Variants in PPM1E observed in about 807,000 individuals in gnomAD.
The protein encoded by PPM1E is protein phosphatase, Mg2+/Mn2+ dependent 1E, also known as protein phosphatase 1E.
A neutral mutation model predicts 65.9 loss-of-function variants in PPM1E; 20 were observed. The observed-to-expected ratio is 0.30, with a 90% CI of 0.21 to 0.44. The LOEUF (loss-of-function observed/expected upper bound fraction) is 0.44, where lower values mean the gene tolerates loss of function less well. PPM1E is among the 20% of genes least tolerant of loss of function. The probability of loss-of-function intolerance (pLI) is 1.00; values close to 1 mark genes in which losing one functional copy is unlikely to be tolerated. For missense variants in PPM1E, 713 were observed against 953.1 expected (o/e 0.75, Z 3.32); for synonymous variants, 352 against 374.9 (o/e 0.94, Z 0.70).
At chr17:58,781,631 G>GT (rs1209268546) in intron 1 of PPM1E, among the ~76,000 whole-genome samples, 1 of 152,050 alleles carries the variant, frequency 6.6e-6, no homozygotes, top group East Asian at 1.9e-4. Flanking sequence ...GCCAGGCACG[G>GT]TGGCTGATGC....
At chr17:58,800,169 T>C (rs1024365725) in intron 1 of PPM1E, among the ~76,000 whole-genome samples, 2 of 152,114 alleles carry the variant, frequency 1.3e-5, no homozygotes, top group Admixed American at 1.3e-4. Context: ...TGCATCTATT[T>C]GGATGACTAT....
chr17:58,766,421 C>T (rs1355812151), intron 1 of PPM1E, among the ~76,000 whole-genome samples: 4 of 149,504 alleles, frequency 2.7e-5, no homozygotes, highest in African/African-American at 9.9e-5. Flanking sequence ...AGGCTGGTCT[C>T]GAACTCCCGA....
intron 1 of PPM1E, among the ~76,000 whole-genome samples, chr17:58,890,914 C>T (rs1004271959): frequency 6.6e-6 from 1 of 152,130 alleles, no homozygotes; most frequent in Non-Finnish European, 1.5e-5. Context: ...TTCTCATTTA[C>T]CTCTGTATTC....
chr17:58,816,741 AATATATATATATATATATATATATAT>A lies in PPM1E; in HGVS notation c.464+60309_464+60334del, dbSNP rs67568496. 1.7e-3 allele frequency among the ~76,000 whole-genome samples: 141 copies of A among 85,262 alleles called. 6 individuals are homozygous for A. Among genetic ancestry groups the A allele is most frequent in the Middle Eastern group, 6.6e-3 (1 of 152 alleles). The allele number at this position is 85,262 out of a possible 152,430, so 55.9% of individuals were successfully genotyped here. A position where few individuals can be genotyped will look rare whatever the true frequency, so the allele number is the denominator to read the frequency against. On this transcript the variant is annotated intron_variant, in intron 1 of 6. Transcript: ENST00000308249. ...ATGTTGTAGCATGTATCAGAATATA[AATATATATATATATATATATATATAT>A]ATATATATATATATATATATATATA...
intron 1 of PPM1E, among the ~76,000 whole-genome samples, chr17:58,829,669 A>G (rs2050578589): frequency 1.3e-5 from 2 of 151,784 alleles, no homozygotes; most frequent in South Asian, 4.2e-4. Context: ...TGTGGTTTTC[A>G]TTTCTTTCTG....
At chr17:58,857,116 A>G (rs959109596) in intron 1 of PPM1E, among the ~76,000 whole-genome samples, 1 of 152,206 alleles carries the variant, frequency 6.6e-6, no homozygotes, top group African/African-American at 2.4e-5. Flanking sequence ...AGTTAAATAC[A>G]CTATGCCCTG....
At chr17:58,885,865 A>C (rs1201014005) in intron 1 of PPM1E, among the ~76,000 whole-genome samples, 1 of 152,212 alleles carries the variant, frequency 6.6e-6, no homozygotes, top group African/African-American at 2.4e-5. Flanking sequence ...AGCTGCTAGC[A>C]TTCTACACAT....
intron 1 of PPM1E, among the ~76,000 whole-genome samples, chr17:58,869,733 ATGT>A (rs1283113232): frequency 3.3e-5 from 5 of 152,144 alleles, no homozygotes; most frequent in Non-Finnish European, 7.3e-5. Flanking sequence ...AATTTTGTTG[ATGT>A]TGTATTTTGT....
intron 1 of PPM1E, among the ~76,000 whole-genome samples, chr17:58,842,815 G>A (rs182936641): frequency 6.6e-6 from 1 of 152,166 alleles, no homozygotes; most frequent in East Asian, 1.9e-4. Flanking sequence ...GTGCACACCT[G>A]TAATCCCAGC....
At chr17:58,772,037 C>G (rs1049374897) in intron 1 of PPM1E, among the ~76,000 whole-genome samples, 2 of 152,100 alleles carry the variant, frequency 1.3e-5, no homozygotes, top group Non-Finnish European at 2.9e-5. Context: ...GAAATTAATT[C>G]TTAGAGACAT....
At chr17:58,762,407 G>A (rs1176910649) in intron 1 of PPM1E, among the ~76,000 whole-genome samples, 3 of 151,764 alleles carry the variant, frequency 2.0e-5, no homozygotes, top group African/African-American at 7.3e-5. Flanking sequence ...AGGTTGCAGT[G>A]AACCATGATC....
intron 1 of PPM1E, among the ~76,000 whole-genome samples, chr17:58,890,030 A>G (rs572601912): frequency 2.2e-4 from 33 of 152,336 alleles, no homozygotes; most frequent in Admixed American, 1.8e-3. Context: ...AATTTACATT[A>G]GTTATGTTCC....
intron 1 of PPM1E, among the ~76,000 whole-genome samples, chr17:58,884,334 C>T (rs2051241277): frequency 6.6e-6 from 1 of 152,070 alleles, no homozygotes. Context: ...TATTGCTTTC[C>T]TCACTGCCAG....
chr17:58,773,864 A>C (rs969705256), intron 1 of PPM1E, among the ~76,000 whole-genome samples: 2 of 152,098 alleles, frequency 1.3e-5, no homozygotes, highest in Non-Finnish European at 2.9e-5. Context: ...GTTTTGAATA[A>C]AAATTGTAGG....
intron 1 of PPM1E, among the ~76,000 whole-genome samples, chr17:58,861,947 A>C (rs1443087094): frequency 6.6e-6 from 1 of 151,990 alleles, no homozygotes; most frequent in Non-Finnish European, 1.5e-5. Context: ...ACATAAATAA[A>C]TAAAAGCTGC....
At chr17:58,850,505 G>A (rs1224221394) in intron 1 of PPM1E, among the ~76,000 whole-genome samples, 1 of 152,108 alleles carries the variant, frequency 6.6e-6, no homozygotes, top group Non-Finnish European at 1.5e-5. Context: ...TTGTTTGTCT[G>A]TAAAGGATTT....
chr17:58,852,459 T>C (rs953560255), intron 1 of PPM1E, among the ~76,000 whole-genome samples: 7 of 152,206 alleles, frequency 4.6e-5, no homozygotes, highest in African/African-American at 1.7e-4. Context: ...TCAATGATTG[T>C]TGTTTTCTGT....
intron 1 of PPM1E, among the ~76,000 whole-genome samples, chr17:58,927,173 C>T (rs2051833842): frequency 7.0e-6 from 1 of 143,474 alleles, no homozygotes. Context: ...GTCGCCCAGG[C>T]TGGAGTGCAG....
At chr17:58,967,836 G>T in intron 3 of PPM1E, among the ~76,000 whole-genome samples, 1 of 147,134 alleles carries the variant, frequency 6.8e-6, no homozygotes, top group East Asian at 2.0e-4. Flanking sequence ...AGTCTCGCTC[G>T]CTCTGTCTCC....
Sources: gnomAD v4.1 joint callset for allele counts (sites outside exome capture counted in the v4.1 genomes callset) on GRCh38, gnomAD v4.1.1 for gene constraint, MANE v1.5 for transcripts, NCBI Gene and HGNC (gene_info 2026-07-23, HGNC 2026-07-21) for gene names.